Variants in CACUL1 observed in about 807,000 individuals in gnomAD.
CACUL1 encodes CDK2 associated cullin domain 1.
A neutral mutation model predicts 45.2 loss-of-function variants in CACUL1; 13 were observed. The observed-to-expected ratio is 0.29, with a 90% CI of 0.19 to 0.46. The LOEUF is 0.46. CACUL1 is among the 20% of genes least tolerant of loss of function. CACUL1 has a pLI of 1.00. For synonymous variants in CACUL1, 197 were observed against 174.2 expected, an observed-to-expected ratio of 1.13 and a Z score of -1.03; for missense variants, 421 against 471.4, an observed-to-expected ratio of 0.89 and a Z score of 0.99.
At chr10:118,735,548 A>G (rs1845732908) in intron 1 of CACUL1, among the ~76,000 whole-genome samples, 1 of 152,236 alleles carries the variant, frequency 6.6e-6, no homozygotes, top group Non-Finnish European at 1.5e-5. Context: ...CGCCTGTTAA[A>G]GTTTGAAAAC....
rs181467715 is a variant in CACUL1 at position 118,746,178 on chromosome 10, G to A, written c.367+8218C>T. ...AAAAAAAAAAAAAAGGAGTCTTTAG[G>A]GTAAGGAATATTAACAAGGATAAAG... On this transcript the variant is annotated intron_variant, in intron 1 of 8. Transcript: ENST00000369151. 3.6e-3 allele frequency among the ~76,000 whole-genome samples: 531 copies of A among 147,652 alleles called. 4 individuals carry two copies. Among genetic ancestry groups the A allele is most frequent in the African/African-American group, 0.011 (435 of 40,530 alleles).
Position 118,754,966 on chromosome 10 carries a change from G to C in CACUL1, c.-204C>G. On this transcript the variant is annotated 5_prime_UTR_variant, in exon 1 of 9. Transcript: ENST00000369151. ...GGCTGACGGCGGTGGGCGCTCCGGG[G>C]CTCTAGTCTGGGAGAGGCAGCCGTA... 1.7e-6 allele frequency: 1 copy of C among 594,648 alleles called. No individual in the cohort carries two copies. The highest frequency in any genetic ancestry group is 2.7e-6 in the Non-Finnish European group (1 of 369,078). The allele number at this position is 594,648 out of a possible 1,614,324, so 36.8% of individuals were successfully genotyped here. A position where few individuals can be genotyped will look rare whatever the true frequency, so the allele number is the denominator to read the frequency against.
rs537340006 is a variant in CACUL1, at chr10:118,692,526, C to T, written c.887-1123G>A. 1.8e-4 allele frequency: 28 copies of T among 152,148 alleles called. 1 individual carries two copies. The highest frequency in any genetic ancestry group is 1.5e-3 in the Admixed American group (23 of 15,278). The allele number at this position is 152,148 out of a possible 1,614,324, so 9.4% of individuals were successfully genotyped here. On this transcript the variant is annotated intron_variant, in intron 6 of 8. Transcript: ENST00000369151. ...TACTCTCTCCTTTTTATTCAGTGAA[C>T]ATTAAAGAGAATTAACACCCACCTG...
chr10:118,745,572 T>TG lies in CACUL1; in HGVS notation c.367+8823dup, dbSNP rs529621107. Among the ~76,000 whole-genome samples, 28 of 148,760 alleles carry TG rather than the reference T, an allele frequency of 1.9e-4. No individual in the cohort carries two copies. The South Asian group carries it at 5.6e-3, about 30-fold the overall frequency. ...TGAGACTCCGTCTCAAAAAAAAAAA[T>TG]GGAGACAGGAAAAAAGGAACATTTT... On this transcript the variant is annotated intron_variant, in intron 1 of 8. Transcript: ENST00000369151.
intron 1 of CACUL1, among the ~76,000 whole-genome samples, chr10:118,736,542 A>G (rs1845742480): frequency 6.6e-6 from 1 of 151,130 alleles, no homozygotes; most frequent in African/African-American, 2.5e-5. Flanking sequence ...AGGTTTTGCC[A>G]TGTTCCCCAG....
chr10:118,730,301 G>A lies in CACUL1; in HGVS notation c.477C>T (p.Ser159=). The A allele has an allele frequency of 6.2e-7, 1 of 1,613,992 alleles. No homozygotes were observed. The highest frequency in any genetic ancestry group is 8.5e-7 in the Non-Finnish European group (1 of 1,179,896). The change falls in exon 2 of 9, where the codon TCC becomes TCT. Residue 159 remains serine (S), a synonymous_variant. Coordinates refer to ENST00000369151, the MANE Select transcript of CACUL1 (RefSeq NM_153810.5). ...TQSPGDYIPI[S]YEQIYSCVYK... is the part of the protein sequence containing the mutation. ...TAACTTACCTGTATATCTGTTCATA[G>A]GATATGGGGATATAGTCACCAGGAC... is the stretch of plus-strand genomic sequence containing the variant.
intron 5 of CACUL1, among the ~76,000 whole-genome samples, chr10:118,696,710 G>A (rs1845327090): frequency 6.6e-6 from 1 of 152,362 alleles, no homozygotes; most frequent in Middle Eastern, 3.4e-3. Flanking sequence ...CATGCGGCCC[G>A]CAGGCCATGG....
At chr10:118,738,251 G>A (rs1359193968) in intron 1 of CACUL1, among the ~76,000 whole-genome samples, 5 of 152,138 alleles carry the variant, frequency 3.3e-5, no homozygotes, top group African/African-American at 9.7e-5. Flanking sequence ...CAGACTCAAC[G>A]GTAAAAAGAA....
At chr10:118,714,484 T>C (rs1325365100) in intron 3 of CACUL1, among the ~76,000 whole-genome samples, 1 of 152,224 alleles carries the variant, frequency 6.6e-6, no homozygotes, top group East Asian at 1.9e-4. Flanking sequence ...AATTTTCACT[T>C]CAAAGCACAA....
chr10:118,734,940 C>T (rs1196426517), intron 1 of CACUL1, among the ~76,000 whole-genome samples: 1 of 152,190 alleles, frequency 6.6e-6, no homozygotes, highest in Non-Finnish European at 1.5e-5. Flanking sequence ...ATAATTCATA[C>T]CAGGCAAGAA....
intron 1 of CACUL1, among the ~76,000 whole-genome samples, chr10:118,748,715 T>G (rs567370463): frequency 2.2e-4 from 34 of 152,104 alleles, no homozygotes; most frequent in Non-Finnish European, 3.8e-4. Context: ...CCGAAAAAAA[T>G]CTGAAATCCA....
chr10:118,714,088 T>C (rs561039106), intron 3 of CACUL1, among the ~76,000 whole-genome samples: 1 of 152,236 alleles, frequency 6.6e-6, no homozygotes, highest in Non-Finnish European at 1.5e-5. Context: ...GTCACTGTTT[T>C]TACATTTTTG....
intron 1 of CACUL1, among the ~76,000 whole-genome samples, chr10:118,744,229 A>C (rs760758798): frequency 2.0e-5 from 3 of 152,132 alleles, no homozygotes; most frequent in Admixed American, 6.5e-5. Flanking sequence ...TCTACTAAAA[A>C]TACGAAGTTA....
intron 1 of CACUL1, among the ~76,000 whole-genome samples, chr10:118,742,427 T>C (rs1410243186): frequency 6.6e-6 from 1 of 152,248 alleles, no homozygotes; most frequent in East Asian, 1.9e-4. Flanking sequence ...CTTTAGAGAT[T>C]TGGGACTGGG....
intron 7 of CACUL1, among the ~76,000 whole-genome samples, chr10:118,690,696 G>C (rs1296024390): frequency 6.6e-6 from 1 of 152,308 alleles, no homozygotes; most frequent in Non-Finnish European, 1.5e-5. Context: ...AATCAAAGTT[G>C]AAAGAGCTCC....
intron 8 of CACUL1, 111 bp from the exon 9 acceptor site, chr10:118,686,279 A>T: frequency 1.1e-6 from 1 of 941,354 alleles, no homozygotes; most frequent in South Asian, 1.4e-5. Flanking sequence ...CTCCCCAAAA[A>T]AGGCTTAAAA....
intron 6 of CACUL1, among the ~76,000 whole-genome samples, chr10:118,693,978 A>T (rs7923434): frequency 6.6e-6 from 1 of 152,000 alleles, no homozygotes; most frequent in South Asian, 2.1e-4. Context: ...GCAGTGGTAC[A>T]ATCAGCTCAG....
At chr10:118,725,733 CAAAA>C (rs1564835698) in intron 3 of CACUL1, among the ~76,000 whole-genome samples, 1 of 151,904 alleles carries the variant, frequency 6.6e-6, no homozygotes, top group African/African-American at 2.4e-5. Flanking sequence ...TGTTTAAAAA[CAAAA>C]AAGAGGCAGC....
intron 1 of CACUL1, among the ~76,000 whole-genome samples, chr10:118,739,764 A>G (rs1354517336): frequency 6.6e-6 from 1 of 152,268 alleles, no homozygotes; most frequent in African/African-American, 2.4e-5. Flanking sequence ...AGCTTCACAG[A>G]CAAAAACAAA....
Sources: gnomAD v4.1 joint callset for allele counts (sites outside exome capture counted in the v4.1 genomes callset) on GRCh38, gnomAD v4.1.1 for gene constraint, MANE v1.5 for transcripts, NCBI Gene and HGNC (gene_info 2026-07-23, HGNC 2026-07-21) for gene names.